Variants in RANBP2 observed in about 807,000 individuals in gnomAD.
The protein encoded by RANBP2 is RAN binding protein 2.
A neutral mutation model predicts 303.6 loss-of-function variants in RANBP2; 57 were observed. The observed-to-expected ratio is 0.19, with a 90% CI of 0.15 to 0.23. The LOEUF is 0.23. RANBP2 is among the 10% of genes least tolerant of loss of function. The pLI is 1.00. For synonymous variants in RANBP2, 1,167 were observed against 1,301.5 expected (o/e 0.90, Z 2.23); for missense variants, 3,138 against 3,780.8 (o/e 0.83, Z 4.46).
At chr2:109,056,537 G>A in the RANBP2 span, among the ~76,000 whole-genome samples, 1 of 152,158 alleles carries the variant, frequency 6.6e-6, no homozygotes, top group Non-Finnish European at 1.5e-5. Flanking sequence ...CTGATTGACA[G>A]CATTTGTTGA....
the RANBP2 span, among the ~76,000 whole-genome samples, chr2:109,556,518 G>C: frequency 2.0e-5 from 3 of 152,112 alleles, no homozygotes; most frequent in African/African-American, 7.2e-5. Flanking sequence ...GTTCCAAGCA[G>C]GAACAGATCC....
chr2:109,072,616 G>A, the RANBP2 span, among the ~76,000 whole-genome samples: 1 of 152,184 alleles, frequency 6.6e-6, no homozygotes, highest in South Asian at 2.1e-4. Context: ...CCCTAGGCTA[G>A]GGGTGACAGA....
At chr2:108,852,466 G>C in the RANBP2 span, among the ~76,000 whole-genome samples, 8 of 152,164 alleles carry the variant, frequency 5.3e-5, no homozygotes, top group Non-Finnish European at 8.8e-5. Context: ...GTTCATTGCA[G>C]CACTGTTCAC....
the RANBP2 span, among the ~76,000 whole-genome samples, chr2:109,447,174 GA>G: frequency 3.7e-5 from 5 of 133,620 alleles, no homozygotes; most frequent in South Asian, 4.8e-4. Context: ...AAAAAGAAAA[GA>G]AAAAGAAAAA....
At chr2:109,579,120 T>C in the RANBP2 span, among the ~76,000 whole-genome samples, 2 of 152,122 alleles carry the variant, frequency 1.3e-5, no homozygotes, top group African/African-American at 4.8e-5. Flanking sequence ...ATGAAGACAA[T>C]AAAAAGATAT....
chr2:108,791,465 T>C, the RANBP2 span: 1 of 562,070 alleles, frequency 1.8e-6, no homozygotes, highest in Non-Finnish European at 3.3e-6. Context: ...GTCTATTTAA[T>C]GTGTAGAAAA....
chr2:109,008,958 T>C, the RANBP2 span, among the ~76,000 whole-genome samples: 1 of 151,886 alleles, frequency 6.6e-6, no homozygotes, highest in Non-Finnish European at 1.5e-5. Flanking sequence ...CTCTCCTTTA[T>C]ATCTAATACT....
At chr2:109,261,435 A>G in the RANBP2 span, among the ~76,000 whole-genome samples, 1 of 152,238 alleles carries the variant, frequency 6.6e-6, no homozygotes, top group South Asian at 2.1e-4. Context: ...GGAGCTGGAC[A>G]GGCAGAGGTC....
At chr2:109,386,510 T>C in the RANBP2 span, among the ~76,000 whole-genome samples, 1 of 152,224 alleles carries the variant, frequency 6.6e-6, no homozygotes, top group African/African-American at 2.4e-5. Flanking sequence ...ACAACTTTAT[T>C]TACAAAAACC....
chr2:109,142,501 G>A, the RANBP2 span, among the ~76,000 whole-genome samples: 45 of 152,214 alleles, frequency 3.0e-4, no homozygotes, highest in Admixed American at 5.9e-4. Flanking sequence ...CACAGCGGCC[G>A]AGAGTGAGGG....
chr2:109,103,759 T>C, the RANBP2 span, among the ~76,000 whole-genome samples: 1 of 152,060 alleles, frequency 6.6e-6, no homozygotes, highest in Admixed American at 6.6e-5. Context: ...AGGGGAAAGA[T>C]CTAGTTATGT....
At chr2:108,794,801 AT>A in the RANBP2 span, 1 of 628,056 alleles carries the variant, frequency 1.6e-6, no homozygotes, top group Non-Finnish European at 2.4e-6. Context: ...TGAATATAAT[AT>A]ATTTCATTTT....
At chr2:109,280,395 C>T in the RANBP2 span, among the ~76,000 whole-genome samples, 2 of 152,260 alleles carry the variant, frequency 1.3e-5, no homozygotes, top group South Asian at 2.1e-4. Flanking sequence ...CACCTGAGTG[C>T]GCTCTTGGCT....
the RANBP2 span, among the ~76,000 whole-genome samples, chr2:109,230,924 C>G: frequency 1.3e-5 from 2 of 152,214 alleles, no homozygotes; most frequent in African/African-American, 4.8e-5. Flanking sequence ...AGGGACAGCT[C>G]AAACAGGAAG....
At chr2:109,573,031 T>C in the RANBP2 span, among the ~76,000 whole-genome samples, 4 of 152,226 alleles carry the variant, frequency 2.6e-5, no homozygotes, top group Admixed American at 6.5e-5. Context: ...TTAGATAATA[T>C]ATACTTACAC....
At chr2:109,308,303 A>T in the RANBP2 span, among the ~76,000 whole-genome samples, 1 of 120,344 alleles carries the variant, frequency 8.3e-6, no homozygotes. Flanking sequence ...GTTTGAGTTC[A>T]TTGTAGATTC....
At chr2:109,122,849 T>C in the RANBP2 span, among the ~76,000 whole-genome samples, 4 of 152,076 alleles carry the variant, frequency 2.6e-5, no homozygotes, top group African/African-American at 9.7e-5. Context: ...CCAAACTGGG[T>C]GAAAGAGGGA....
chr2:109,264,355 CTG>C, the RANBP2 span, among the ~76,000 whole-genome samples: 5 of 151,270 alleles, frequency 3.3e-5, no homozygotes, highest in Non-Finnish European at 7.4e-5. Context: ...CACTCCGAGT[CTG>C]TGGGTGCTCC....
the RANBP2 span, among the ~76,000 whole-genome samples, chr2:109,278,618 G>A: frequency 6.6e-6 from 1 of 152,216 alleles, no homozygotes; most frequent in Non-Finnish European, 1.5e-5. Flanking sequence ...GCTATTCACA[G>A]TCACTTGTGA....
Sources: gnomAD v4.1 joint callset for allele counts (sites outside exome capture counted in the v4.1 genomes callset) on GRCh38, gnomAD v4.1.1 for gene constraint, MANE v1.5 for transcripts, NCBI Gene and HGNC (gene_info 2026-07-23, HGNC 2026-07-21) for gene names.